Variants in VPS37B observed in about 807,000 individuals in gnomAD.
VPS37B encodes vacuolar protein sorting-associated protein 37B.
Under a neutral mutation model 21.2 loss-of-function variants are expected in VPS37B, and 11 were observed. The ratio of observed to expected loss-of-function variants is 0.52; its 90% CI spans 0.33 to 0.86. VPS37B has a LOEUF of 0.86. Ranked by LOEUF, VPS37B falls within the 40% of genes least tolerant of loss-of-function variation. The pLI, the probability that VPS37B is intolerant of heterozygous loss-of-function variation, is 0.03. For missense variants in VPS37B, 389 were observed against 374.8 expected, an observed-to-expected ratio of 1.04 and a Z score of -0.31; for synonymous variants, 175 against 159.6, an observed-to-expected ratio of 1.10 and a Z score of -0.73.
intron 1 of VPS37B, chr12:122,875,603 A>G (rs1266381731): frequency 1.3e-5 from 2 of 152,138 alleles, no homozygotes; most frequent in African/African-American, 2.4e-5. Flanking sequence ...GGAAAAAAAA[A>G]GGGGGGAGGA....
At chr12:122,885,660 T>C (rs2034310182) in intron 1 of VPS37B, 1 of 148,140 alleles carries the variant, frequency 6.8e-6, no homozygotes. Context: ...ATAATAAACA[T>C]GTAAAACATT....
intron 1 of VPS37B, 75 bp downstream of exon 1, chr12:122,895,877 G>A (rs2034484781): frequency 1.4e-6 from 2 of 1,406,040 alleles, no homozygotes; most frequent in African/African-American, 1.4e-5. Context: ...GGTCGCCTCC[G>A]CCTCCGGCCA....
At chr12:122,888,892 T>A (rs1425748667) in intron 1 of VPS37B, 2 of 257,488 alleles carry the variant, frequency 7.8e-6, no homozygotes, top group Non-Finnish European at 7.9e-6. Context: ...AGAACCACAC[T>A]CCAACTGCCT....
chr12:122,883,126 C>G (rs914493837), intron 1 of VPS37B: 1 of 152,220 alleles, frequency 6.6e-6, no homozygotes, highest in Non-Finnish European at 1.5e-5. Flanking sequence ...AGCTGCTTAT[C>G]GAATGTTCCA....
In VPS37B at chr12:122,895,999, G is replaced by A. The variant is rs1208613276; in HGVS notation, c.64C>T (p.Leu22=). 6.2e-7 allele frequency: 1 copy of A among 1,606,850 alleles called. No individual in the cohort carries two copies. The highest frequency in any genetic ancestry group is 8.5e-7 in the Non-Finnish European group (1 of 1,177,566). ...GLSLVQLNEL[L]EDEGQLTEMV... ...TCCGTCAGCTGGCCCTCGTCCTCCAGCAGCTCGTTGAGCTGCACCAGCGAC... is the reference window on the plus strand; with the variant it reads ...TCCGTCAGCTGGCCCTCGTCCTCCAACAGCTCGTTGAGCTGCACCAGCGAC... Residue 22 remains leucine (L), a synonymous_variant, in exon 1 of 4, where the codon CTG becomes TTG. Transcript: ENST00000267202.
intron 1 of VPS37B, chr12:122,881,312 C>A (rs2034243596): frequency 6.6e-6 from 1 of 152,200 alleles, no homozygotes; most frequent in Admixed American, 6.5e-5. Flanking sequence ...TAACTCCCTC[C>A]AGAGCTGCGA....
At chr12:122,879,379 T>A (rs1174426646) in intron 1 of VPS37B, 2 of 152,294 alleles carry the variant, frequency 1.3e-5, no homozygotes, top group African/African-American at 4.8e-5. Flanking sequence ...AGGAGGAAGA[T>A]GAAAAGGGAC....
intron 1 of VPS37B, 70 bp downstream of exon 1, chr12:122,895,882 C>T: frequency 6.8e-7 from 1 of 1,459,914 alleles, no homozygotes; most frequent in South Asian, 1.1e-5. Context: ...CCTCCGCCTC[C>T]GGCCACCGTT....
At chr12:122,891,818 G>T (rs546847494) in intron 1 of VPS37B, among the ~76,000 whole-genome samples, 1 of 152,148 alleles carries the variant, frequency 6.6e-6, no homozygotes, top group Non-Finnish European at 1.5e-5. Context: ...ACCCGAACAC[G>T]CCTTAGGGAA....
At chr12:122,885,511 C>T (rs941178936) in intron 1 of VPS37B, 2 of 151,746 alleles carry the variant, frequency 1.3e-5, no homozygotes, top group African/African-American at 4.8e-5. Flanking sequence ...AAAAACTCTA[C>T]AAAAACTCTA....
chr12:122,868,849 C>A lies in VPS37B; in HGVS notation c.284-287G>T, dbSNP rs1218401301. Among the ~76,000 whole-genome samples the A allele has an allele frequency of 6.6e-6, 1 of 152,218 alleles. No homozygotes were observed. The highest frequency in any genetic ancestry group is 1.5e-5 in the Non-Finnish European group (1 of 68,036). On this transcript the variant is annotated intron_variant, in intron 2 of 3. Coordinates refer to ENST00000267202, the MANE Select transcript of VPS37B (RefSeq NM_024667.3). This position sits in a 1 kb window ranked among gnomAD's most constrained non-coding sequence, Gnocchi z 5.5. The stretch of plus-strand genomic sequence containing the variant: ...CCTTTATGTTTTGAGTGGTAACTTA[C>A]ATCGAGTATACACATCTCAAGTGTG...
At chr12:122,892,753 A>AG (rs2034434951) in intron 1 of VPS37B, among the ~76,000 whole-genome samples, 1 of 152,190 alleles carries the variant, frequency 6.6e-6, no homozygotes. Flanking sequence ...CTACAAAAAA[A>AG]CAAAAATAAA....
chr12:122,890,067 G>C (rs1482936980), intron 1 of VPS37B: 1 of 152,102 alleles, frequency 6.6e-6, no homozygotes, highest in African/African-American at 2.4e-5. Context: ...AGCACAAGGC[G>C]GGGGGTTCCG....
At chr12:122,890,549 A>G (rs1307281927) in intron 1 of VPS37B, among the ~76,000 whole-genome samples, 2 of 152,088 alleles carry the variant, frequency 1.3e-5, no homozygotes, top group African/African-American at 4.8e-5. Context: ...ACTGGTCTCA[A>G]ACTACGGGGC....
rs2033917957 is a variant in VPS37B at position 122,867,146 on chromosome 12, AG to A, written c.827del (p.Pro276LeufsTer61). On this transcript the variant is annotated frameshift_variant, in exon 4 of 4. Coordinates refer to ENST00000267202, the MANE Select transcript of VPS37B (RefSeq NM_024667.3). LOFTEE classifies it high-confidence loss of function. This position sits in a 1 kb window ranked among gnomAD's most constrained non-coding sequence, Gnocchi z 5.5. ...GGAGGATGAAACCCGGCTGGTGTGGAGGGAGCCGGGGCGGGGGTCTCTGAGG... is the reference window on the plus strand; with the variant it reads ...GGAGGATGAAACCCGGCTGGTGTGGAGGAGCCGGGGCGGGGGTCTCTGAGG... ...PLPQRPPPRLPPHQPGFILQ is the reference protein window; with the variant it reads ...PLPQRPPPRLXPHQPGFILQ The A allele has an allele frequency of 6.5e-7, 1 of 1,540,834 alleles. No individual in the cohort carries two copies. Among genetic ancestry groups the A allele is most frequent in the Admixed American group, 2.2e-5 (1 of 46,012 alleles).
chr12:122,871,742 T>C, intron 1 of VPS37B: 1 of 975,320 alleles, frequency 1.0e-6, no homozygotes, highest in South Asian at 4.8e-5. Flanking sequence ...CAGGCTACCC[T>C]GGTAGGTAGA....
chr12:122,892,788 C>A (rs1294798177), intron 1 of VPS37B, among the ~76,000 whole-genome samples: 1 of 152,136 alleles, frequency 6.6e-6, no homozygotes, highest in Non-Finnish European at 1.5e-5. Flanking sequence ...CAGCGGGGTG[C>A]GGTGGCTCAC....
intron 1 of VPS37B, chr12:122,890,282 G>C (rs1022918609): frequency 1.3e-5 from 2 of 151,504 alleles, no homozygotes; most frequent in Non-Finnish European, 2.9e-5. Context: ...GAAACCTAAT[G>C]TAGCCAGAGA....
intron 1 of VPS37B, among the ~76,000 whole-genome samples, chr12:122,893,942 G>A (rs965355845): frequency 2.6e-5 from 4 of 151,844 alleles, no homozygotes; most frequent in African/African-American, 7.3e-5. Flanking sequence ...GCCTCCAAGT[G>A]AACAGAATGA....
Sources: allele counts gnomAD v4.1 joint callset (sites outside exome capture counted in the v4.1 genomes callset), GRCh38; gene constraint gnomAD v4.1.1; non-coding constraint Gnocchi (gnomAD v3.1); transcripts MANE v1.5; gene names NCBI Gene and HGNC (gene_info 2026-07-23, HGNC 2026-07-21).